Variants in CA7 observed in about 807,000 individuals in gnomAD.
CA7 encodes the protein carbonic anhydrase 7.
CA7 carries 13 observed loss-of-function variants against 31.4 expected under a neutral mutation model. The observed-to-expected ratio is 0.41, with a 90% CI of 0.27 to 0.66. CA7 has a LOEUF of 0.66. Among genes scored for constraint, CA7 ranks in the 30% least tolerant of loss-of-function variants. The pLI, the probability that CA7 is intolerant of heterozygous loss-of-function variation, is 0.28. For synonymous variants in CA7, 128 were observed against 133.2 expected, an observed-to-expected ratio of 0.96 and a Z score of 0.27; for missense variants, 215 against 351.0, an observed-to-expected ratio of 0.61 and a Z score of 3.10.
intron 1 of CA7, among the ~76,000 whole-genome samples, chr16:66,845,723 T>C (rs1960916161): frequency 2.0e-5 from 3 of 152,140 alleles, no homozygotes; most frequent in African/African-American, 7.2e-5. Flanking sequence ...TTTTGGGTGC[T>C]TCCCCCAGAG....
chr16:66,851,321 C>A, intron 3 of CA7, 142 bp from the exon 4 acceptor site: 1 of 771,198 alleles, frequency 1.3e-6, no homozygotes, highest in South Asian at 1.5e-5. Context: ...CCCTGGACCC[C>A]CCAGCATCCT....
intron 1 of CA7, among the ~76,000 whole-genome samples, chr16:66,846,200 T>C (rs1960925795): frequency 6.6e-6 from 1 of 151,602 alleles, no homozygotes; most frequent in South Asian, 2.1e-4. Context: ...TGTGTGTGTG[T>C]GTGCATGGGC....
chr16:66,850,457 C>G (rs972057910), intron 2 of CA7, 84 bp from the exon 3 acceptor site: 10 of 814,374 alleles, frequency 1.2e-5, no homozygotes, highest in African/African-American at 3.4e-5. Context: ...AAAAATGTCC[C>G]TTTCCTGGGC....
rs560401803 is a variant in CA7 at position 66,853,731 on chromosome 16, C to T, written c.*233C>T. The T allele has an allele frequency of 3.7e-6, 2 of 537,974 alleles. No homozygotes were observed. Among genetic ancestry groups the T allele is most frequent in the South Asian group, 2.7e-5 (1 of 37,618 alleles). 33.3% of individuals were successfully genotyped at this position (537,974 alleles called of 1,614,324 possible). ...AGCTAAGCAGGGTCCAAGCCTGGGG[C>T]TGCCTCTGCTCTCCAAGACCCAAAG... is the stretch of plus-strand genomic sequence containing the variant. On this transcript the variant is annotated 3_prime_UTR_variant, in exon 7 of 7. Coordinates refer to ENST00000338437, the MANE Select transcript of CA7 (RefSeq NM_005182.3). The surrounding 1 kb of genome is among the most constrained non-coding windows in gnomAD (Gnocchi z 4.5).
Position 66,844,539 on chromosome 16 carries a change from C to G in CA7, c.40+12C>G. 6.5e-7 allele frequency: 1 copy of G among 1,539,656 alleles called. No homozygotes were observed. Among genetic ancestry groups the G allele is most frequent in the South Asian group, 1.2e-5 (1 of 82,622 alleles). On this transcript the variant is annotated intron_variant, in intron 1 of 6. Coordinates refer to ENST00000338437, the MANE Select transcript of CA7 (RefSeq NM_005182.3). Reference sequence around the variant, plus strand: ...CGGCCAGGACGACGGTAGGCACAGACCTCCCCCACCGCCTCTGGCTCGGAC... The same window carrying G: ...CGGCCAGGACGACGGTAGGCACAGAGCTCCCCCACCGCCTCTGGCTCGGAC...
At chr16:66,851,112 T>A (rs557408608) in intron 3 of CA7, among the ~76,000 whole-genome samples, 9 of 152,242 alleles carry the variant, frequency 5.9e-5, no homozygotes, top group Non-Finnish European at 1.3e-4. Flanking sequence ...TTCCCTCTGA[T>A]AACCCTCTGC....
At chr16:66,844,910 G>C in intron 1 of CA7, 3 of 1,036,424 alleles carry the variant, frequency 2.9e-6, no homozygotes, top group Non-Finnish European at 3.5e-6. Context: ...CGCTGTGCGC[G>C]GGTGTCTGCG....
intron 2 of CA7, among the ~76,000 whole-genome samples, chr16:66,849,163 T>C (rs1960986866): frequency 6.6e-6 from 1 of 152,178 alleles, no homozygotes; most frequent in South Asian, 2.1e-4. Context: ...CCCTTTCAGC[T>C]GGAAATTCTA....
At chr16:66,851,768 G>C (rs1485689922) in intron 5 of CA7, 42 bp downstream of exon 5, 2 of 1,571,070 alleles carry the variant, frequency 1.3e-6, no homozygotes, top group South Asian at 1.1e-5. Flanking sequence ...GATGGGGAGA[G>C]AGGAAGAGGC....
intron 3 of CA7, 106 bp from the exon 4 acceptor site, chr16:66,851,357 C>G (rs1717030699): frequency 3.2e-6 from 3 of 950,810 alleles, no homozygotes; most frequent in African/African-American, 1.6e-5. Flanking sequence ...GACAGCTTCC[C>G]CTTCCTGCAA....
intron 3 of CA7, among the ~76,000 whole-genome samples, chr16:66,851,109 T>C (rs891728735): frequency 6.6e-6 from 1 of 152,244 alleles, no homozygotes; most frequent in South Asian, 2.1e-4. Flanking sequence ...GGCTTCCCTC[T>C]GATAACCCTC....
intron 1 of CA7, among the ~76,000 whole-genome samples, chr16:66,845,576 C>G (rs1419614436): frequency 1.3e-5 from 2 of 152,058 alleles, no homozygotes; most frequent in East Asian, 1.9e-4. Context: ...ACCCCCAGAT[C>G]TGGGTATGCA....
chr16:66,845,324 A>T, intron 1 of CA7: 15 of 652,244 alleles, frequency 2.3e-5, no homozygotes, highest in South Asian at 6.8e-5. Context: ...GTGTGGGGTA[A>T]GGGGTTCCCT....
intron 6 of CA7, 81 bp downstream of exon 6, chr16:66,852,948 C>A: frequency 7.8e-7 from 1 of 1,289,238 alleles, no homozygotes; most frequent in South Asian, 1.5e-5. Flanking sequence ...AACTAGCACC[C>A]CACAGCCCGT....
chr16:66,845,095 G>A (rs1431517025), intron 1 of CA7: 1 of 985,660 alleles, frequency 1.0e-6, no homozygotes, highest in African/African-American at 1.7e-5. Context: ...TGTCTACACC[G>A]AGCAGGGTGT....
intron 5 of CA7, among the ~76,000 whole-genome samples, chr16:66,852,306 T>C (rs1302717359): frequency 6.6e-6 from 1 of 151,678 alleles, no homozygotes; most frequent in Non-Finnish European, 1.5e-5. Context: ...CTACTAAACA[T>C]ACAAAAATTA....
At position 66,844,493 on chromosome 16, in the gene CA7, C is replaced by T. The variant is rs369295957; in HGVS notation, c.6C>T (p.Thr2=). 2.9e-5 allele frequency: 45 copies of T among 1,542,644 alleles called. No homozygotes were observed. In the African/African-American group the frequency reaches 5.8e-4, roughly 20 times the overall value. The part of the protein sequence containing the change: M[T]GHHGWGYGQD... ...GCTGCGGGGACGGCAGCGGCATGAC[C>T]GGCCACCACGGCTGGGGCTACGGCC... is the stretch of plus-strand genomic sequence containing the variant. The change falls in exon 1 of 7, where the codon ACC becomes ACT. Residue 2 remains threonine, a synonymous_variant. Transcript: ENST00000338437.
intron 5 of CA7, among the ~76,000 whole-genome samples, chr16:66,851,984 T>C (rs1028596489): frequency 2.6e-5 from 4 of 152,072 alleles, no homozygotes; most frequent in Non-Finnish European, 4.4e-5. Flanking sequence ...GGCAATGTCA[T>C]TGAGGGCAGC....
chr16:66,845,177 G>A (rs1007240452), intron 1 of CA7: 1 of 985,484 alleles, frequency 1.0e-6, no homozygotes, highest in African/African-American at 1.7e-5. Context: ...GCGGAAGAGA[G>A]CTCCTTCATC....
Sources: gnomAD v4.1 joint callset for allele counts (sites outside exome capture counted in the v4.1 genomes callset) on GRCh38, gnomAD v4.1.1 for gene constraint, Gnocchi (gnomAD v3.1) non-coding constraint, MANE v1.5 for transcripts, NCBI Gene and HGNC (gene_info 2026-07-23, HGNC 2026-07-21) for gene names.